The following NAV3 variants were observed in gnomAD, a reference collection of about 807,000 sequenced individuals.
NAV3 encodes pore membrane and/or filament interacting like protein 1.
In NAV3, 87 loss-of-function variants were observed where a neutral mutation model predicts 244.7. The observed-to-expected ratio is 0.36, with a 90% CI of 0.30 to 0.42. The LOEUF is 0.42. NAV3 is among the 20% of genes least tolerant of loss of function. NAV3 has a pLI of 1.00. For missense variants in NAV3, 2,663 were observed against 2,893.3 expected (o/e 0.92, Z 1.83); for synonymous variants, 1,126 against 1,042.2 (o/e 1.08, Z -1.55).
intron 12 of NAV3, among the ~76,000 whole-genome samples, chr12:78,087,038 G>T (rs1953674100): frequency 6.6e-6 from 1 of 151,954 alleles, no homozygotes; most frequent in African/African-American, 2.4e-5. Flanking sequence ...TGGTTTTCCT[G>T]TCAAATAGTT....
intron 1 of NAV3, among the ~76,000 whole-genome samples, chr12:77,909,424 T>G (rs899611602): frequency 2.0e-5 from 3 of 150,590 alleles, no homozygotes; most frequent in Admixed American, 1.3e-4. Context: ...AATACCAACT[T>G]AAAATCTTTA....
intron 8 of NAV3, among the ~76,000 whole-genome samples, chr12:78,015,438 T>C (rs1876030542): frequency 6.6e-6 from 1 of 152,138 alleles, no homozygotes; most frequent in Non-Finnish European, 1.5e-5. Flanking sequence ...TTTTACATAA[T>C]GTTTCTAATT....
rs79365758 is a variant in NAV3, at chr12:77,968,668, A to C, written c.637A>C (p.Ser213Arg). ...VTHASPPSEA[S>R]QAKTQQDMQS... ...TCACGCTTCCCCTCCATCGGAAGCC[A>C]GCCAGGCCAAAACCCAGCAAGATAT... The change falls in exon 5 of 40, where the codon AGC becomes CGC. Residue 213 changes from serine to arginine, a missense_variant. By Grantham distance (110) the Ser-to-Arg change is moderately radical. Coordinates refer to ENST00000397909, the MANE Select transcript of NAV3 (RefSeq NM_001024383.2). 10 of 1,614,142 alleles carry C rather than the reference A, an allele frequency of 6.2e-6. No individual in the cohort carries two copies. The East Asian group carries it at 2.2e-4, about 36-fold the overall frequency.
chr12:77,724,056 T>G (rs1876766733), intron 2 of NAV3, among the ~76,000 whole-genome samples: 1 of 151,974 alleles, frequency 6.6e-6, no homozygotes. Flanking sequence ...AACTCTTATC[T>G]CATTAGTTTA....
chr12:77,807,693 C>T (rs997087533), intron 2 of NAV3, among the ~76,000 whole-genome samples: 2 of 152,004 alleles, frequency 1.3e-5, no homozygotes, highest in African/African-American at 4.8e-5. Flanking sequence ...TTGTGGTGTT[C>T]TCTGTGTTTC....
chr12:77,787,704 A>T (rs1033532489), intron 2 of NAV3, among the ~76,000 whole-genome samples: 1 of 152,200 alleles, frequency 6.6e-6, no homozygotes, highest in African/African-American at 2.4e-5. Context: ...TGGGAACTAC[A>T]ATTCAACATG....
intron 2 of NAV3, among the ~76,000 whole-genome samples, chr12:77,620,515 T>A (rs1213243343): frequency 1.3e-5 from 2 of 152,050 alleles, no homozygotes; most frequent in Admixed American, 1.3e-4. Flanking sequence ...TAGGCTGGAG[T>A]GCAGTGGTGC....
chr12:77,824,684 G>C (rs552247321), intron 2 of NAV3, among the ~76,000 whole-genome samples: 119 of 152,124 alleles, frequency 7.8e-4, no homozygotes, highest in African/African-American at 2.8e-3. Context: ...CCTGAAGTCA[G>C]GAGTTTGAGA....
chr12:77,738,413 G>A (rs1437074474), intron 2 of NAV3, among the ~76,000 whole-genome samples: 1 of 152,158 alleles, frequency 6.6e-6, no homozygotes, highest in Non-Finnish European at 1.5e-5. Context: ...AACAATAGCA[G>A]CCAGTTAGTG....
At chr12:77,654,866 T>A (rs1451417725) in intron 2 of NAV3, among the ~76,000 whole-genome samples, 3 of 151,138 alleles carry the variant, frequency 2.0e-5, no homozygotes, top group African/African-American at 7.4e-5. Flanking sequence ...AGTGGACCTC[T>A]AGCAAACTCC....
At chr12:77,994,430 G>A (rs3912149) in intron 5 of NAV3, among the ~76,000 whole-genome samples, 125,174 of 152,208 alleles carry the variant, frequency 0.82, 51,602 homozygotes, top group Admixed American at 0.87. Context: ...TTTTAAGAAA[G>A]TGATCTTTCA....
At position 78,096,779 on chromosome 12, in the gene NAV3, C is replaced by G. The variant is rs184148707; in HGVS notation, c.2637-19993C>G. ...AGATGAGATTTGGGTGGGGATACCG[C>G]CAAACCATATGAAGTTCTTTCTTTG... On this transcript the variant is annotated intron_variant, in intron 12 of 39. Coordinates refer to ENST00000397909, the MANE Select transcript of NAV3 (RefSeq NM_001024383.2). Among the ~76,000 whole-genome samples, 8 of 152,272 alleles carry G rather than the reference C, an allele frequency of 5.3e-5. No homozygotes were observed. In the East Asian group the frequency reaches 1.6e-3, roughly 30 times the overall value.
At chr12:78,204,685 G>A (rs545349273) in intron 38 of NAV3, among the ~76,000 whole-genome samples, 9 of 151,978 alleles carry the variant, frequency 5.9e-5, no homozygotes, top group South Asian at 2.1e-4. Context: ...TAAACCTCCC[G>A]TATATTCTCC....
chr12:78,036,957 T>G, intron 9 of NAV3: 3 of 702,946 alleles, frequency 4.3e-6, no homozygotes, highest in Non-Finnish European at 7.8e-6. Flanking sequence ...GACCAATCTT[T>G]CCCTCACCAG....
At chr12:77,693,507 G>C (rs1875132169) in intron 2 of NAV3, among the ~76,000 whole-genome samples, 1 of 151,982 alleles carries the variant, frequency 6.6e-6, no homozygotes, top group Non-Finnish European at 1.5e-5. Context: ...ATTGCTCCTA[G>C]ATTGAGGTTT....
At chr12:78,029,546 G>T (rs1878627729) in intron 9 of NAV3, among the ~76,000 whole-genome samples, 2 of 152,116 alleles carry the variant, frequency 1.3e-5, no homozygotes, top group South Asian at 2.1e-4. Context: ...ATTTTAAAAA[G>T]CTACACAGCA....
At chr12:78,147,956 A>G (rs1956929392) in intron 21 of NAV3, among the ~76,000 whole-genome samples, 1 of 152,088 alleles carries the variant, frequency 6.6e-6, no homozygotes, top group Non-Finnish European at 1.5e-5. Flanking sequence ...GATTGTTATA[A>G]ATGTTCTATC....
chr12:77,773,905 T>C (rs1008267682), intron 2 of NAV3, among the ~76,000 whole-genome samples: 2 of 152,220 alleles, frequency 1.3e-5, no homozygotes, highest in Admixed American at 6.5e-5. Flanking sequence ...GCTACCCTTC[T>C]GTATCAGGAG....
intron 1 of NAV3, among the ~76,000 whole-genome samples, chr12:77,865,200 C>A (rs1879820880): frequency 1.3e-5 from 2 of 152,012 alleles, no homozygotes; most frequent in African/African-American, 4.8e-5. Flanking sequence ...TTTATTCATT[C>A]TACATTTCAG....
Sources: gnomAD v4.1 joint callset for allele counts (sites outside exome capture counted in the v4.1 genomes callset) on GRCh38, gnomAD v4.1.1 for gene constraint, MANE v1.5 for transcripts, NCBI Gene and HGNC (gene_info 2026-07-23, HGNC 2026-07-21) for gene names.